ARHGEF10: variants seen among roughly 807,000 people sequenced by gnomAD.
ARHGEF10 encodes the protein Rho guanine nucleotide exchange factor (GEF) 10.
A neutral mutation model predicts 147.4 loss-of-function variants in ARHGEF10; 140 were observed. That is an observed-to-expected ratio of 0.95 (90% CI 0.83 to 1.09). The LOEUF is 1.09. ARHGEF10 is among the 50% of genes least tolerant of loss of function. The probability of loss-of-function intolerance (pLI) is 0.00; values close to 1 mark genes in which losing one functional copy is unlikely to be tolerated. For missense variants in ARHGEF10, 2,222 were observed against 1,752.7 expected, an observed-to-expected ratio of 1.27 and a Z score of -4.78; for synonymous variants, 902 against 695.8, an observed-to-expected ratio of 1.30 and a Z score of -4.67.
intron 15 of ARHGEF10, among the ~76,000 whole-genome samples, chr8:1,902,108 C>G (rs770047842): frequency 2.6e-5 from 4 of 152,088 alleles, no homozygotes; most frequent in Non-Finnish European, 4.4e-5. Flanking sequence ...GTTTTAAGCC[C>G]CGCGTGCATT....
intron 21 of ARHGEF10, among the ~76,000 whole-genome samples, chr8:1,924,086 G>A (rs1812501724): frequency 6.6e-6 from 1 of 152,196 alleles, no homozygotes; most frequent in Non-Finnish European, 1.5e-5. Flanking sequence ...AAATGGAGGG[G>A]TTAAAACGGA....
chr8:1,918,308 T>C (rs531153140), intron 18 of ARHGEF10, among the ~76,000 whole-genome samples: 16 of 152,134 alleles, frequency 1.1e-4, no homozygotes, highest in Non-Finnish European at 1.9e-4. Context: ...TGCCCTATTA[T>C]GAACTGTCTG....
rs757378753 is a variant in ARHGEF10 at position 1,869,355 on chromosome 8, C to T, written c.679+105C>T. 6 of 979,484 alleles carry T rather than the reference C, an allele frequency of 6.1e-6. 1 individual carries two copies. The highest frequency in any genetic ancestry group is 3.9e-5 in the South Asian group (3 of 76,124). 60.7% of individuals were successfully genotyped at this position (979,484 alleles called of 1,614,324 possible). A position where few individuals can be genotyped will look rare whatever the true frequency, so the allele number is the denominator to read the frequency against. ...GGACGGCCCAGACGTTTTCTGTATT[C>T]ATGTTTTGTATGTTGCTTCTAGAAT... On this transcript the variant is annotated intron_variant, in intron 7 of 28. Transcript: ENST00000349830.
At chr8:1,934,583 T>C (rs1286575543) in intron 26 of ARHGEF10, among the ~76,000 whole-genome samples, 3 of 152,142 alleles carry the variant, frequency 2.0e-5, no homozygotes, top group Non-Finnish European at 4.4e-5. Context: ...ACATTTCAAT[T>C]CAGTGGGCTA....
intron 18 of ARHGEF10, among the ~76,000 whole-genome samples, chr8:1,922,422 G>T (rs751752188): frequency 1.3e-5 from 2 of 151,958 alleles, no homozygotes; most frequent in Non-Finnish European, 1.5e-5. Context: ...AATACAAAAG[G>T]GACAAAACAT....
chr8:1,859,701 T>G (rs1350956385), intron 3 of ARHGEF10, among the ~76,000 whole-genome samples, 196 bp from the exon 4 acceptor site: 1 of 152,204 alleles, frequency 6.6e-6, no homozygotes, highest in Non-Finnish European at 1.5e-5. Context: ...CCGTCTCACC[T>G]GTGCCCAGAG....
chr8:1,868,483 A>G (rs1055287213), intron 6 of ARHGEF10, among the ~76,000 whole-genome samples: 5 of 152,212 alleles, frequency 3.3e-5, no homozygotes, highest in Admixed American at 2.0e-4. Flanking sequence ...TATTTGAGTA[A>G]ACCTCAGGCT....
intron 1 of ARHGEF10, among the ~76,000 whole-genome samples, chr8:1,836,098 G>A (rs528804308): frequency 2.6e-5 from 4 of 151,728 alleles, no homozygotes; most frequent in African/African-American, 4.8e-5. Context: ...GGAGAATGGC[G>A]TGAACCCGGG....
At chr8:1,888,775 A>G (rs1809054588) in intron 11 of ARHGEF10, among the ~76,000 whole-genome samples, 1 of 80,346 alleles carries the variant, frequency 1.2e-5, no homozygotes, top group East Asian at 9.4e-4. Context: ...GTGAGGAGAC[A>G]CTGAGTGGGG....
chr8:1,932,193 C>T (rs1168564199), intron 25 of ARHGEF10, among the ~76,000 whole-genome samples: 3 of 152,138 alleles, frequency 2.0e-5, no homozygotes, highest in South Asian at 2.1e-4. Flanking sequence ...TGGAGGTTGC[C>T]GTGTGCCGTG....
chr8:1,957,177 C>T lies in ARHGEF10; in HGVS notation c.3949C>T (p.Arg1317Trp), dbSNP rs779687039. 5.6e-6 allele frequency: 9 copies of T among 1,612,578 alleles called. No individual in the cohort carries two copies. Among genetic ancestry groups the T allele is most frequent in the South Asian group, 2.2e-5 (2 of 91,078 alleles). ...GGTCTGTGGAGGGCAGGGCCACCGC[C>T]GGGTGCACAGGAAGGCCCGGCAGCC... ...LVVCGGQGHR[R>W]VHRKARQPHQ... Residue 1317 changes from arginine to tryptophan, a missense_variant, in exon 29 of 29, where the codon CGG becomes TGG. Arg to Trp is a moderately radical substitution (Grantham distance 101). Coordinates refer to ENST00000349830, the MANE Select transcript of ARHGEF10 (RefSeq NM_014629.4).
intron 15 of ARHGEF10, among the ~76,000 whole-genome samples, chr8:1,902,697 G>C (rs1395192823): frequency 1.3e-5 from 2 of 152,144 alleles, no homozygotes; most frequent in African/African-American, 4.8e-5. Context: ...TCGCAGGAGG[G>C]CGTACCCTTG....
Position 1,905,128 on chromosome 8 carries a change from C to G in ARHGEF10, c.1822-443C>G, listed in dbSNP as rs75179461. Among the ~76,000 whole-genome samples, 411 of 152,120 alleles carry G rather than the reference C, an allele frequency of 2.7e-3. 3 individuals carry two copies. Among genetic ancestry groups the G allele is most frequent in the African/African-American group, 9.7e-3 (401 of 41,484 alleles). On this transcript the variant is annotated intron_variant, in intron 16 of 28. Coordinates refer to ENST00000349830, the MANE Select transcript of ARHGEF10 (RefSeq NM_014629.4). ...TGGGTAACAGAGCGAGGCTTGGTCT[C>G]AGAACAAACAAACAAAAAAGGTAGT...
At chr8:1,951,240 C>A (rs765804339) in intron 27 of ARHGEF10, among the ~76,000 whole-genome samples, 7 of 152,376 alleles carry the variant, frequency 4.6e-5, no homozygotes, top group Admixed American at 3.9e-4. Flanking sequence ...TGTTGTAGAG[C>A]GGTCAGCACT....
chr8:1,849,292 A>G (rs944129495), intron 2 of ARHGEF10, among the ~76,000 whole-genome samples: 2 of 151,538 alleles, frequency 1.3e-5, no homozygotes, highest in Admixed American at 1.3e-4. Flanking sequence ...CCGTGTGGAC[A>G]CAGCAAATGC....
Position 1,869,234 on chromosome 8 carries a change from C to T in ARHGEF10, c.663C>T (p.Asn221=). 3.7e-6 allele frequency: 6 copies of T among 1,614,028 alleles called. No individual in the cohort carries two copies. The highest frequency in any genetic ancestry group is 5.1e-6 in the Non-Finnish European group (6 of 1,179,864). The change falls in exon 7 of 29, where the codon AAC becomes AAT. Residue 221 remains asparagine (N), a synonymous_variant. Coordinates refer to ENST00000349830, the MANE Select transcript of ARHGEF10 (RefSeq NM_014629.4). ...TTTACGATGACGTTCCAAGGGAAAA[C>T]TCAGACTCTGAACCAGGTTTGATTT... ...EAIYDDVPRE[N]SDSEPDEMIY...
At position 1,942,995 on chromosome 8, in the gene ARHGEF10, C is replaced by G. The variant is rs543321455; in HGVS notation, c.3223-2486C>G. ...AGAGTGGTTAAAGTTGGCAACTTCC[C>G]GAATATACTAAAAAGCACAGAATTG... On this transcript the variant is annotated intron_variant, in intron 26 of 28. Transcript: ENST00000349830. Among the ~76,000 whole-genome samples the G allele has an allele frequency of 2.4e-4, 37 of 152,214 alleles. No individual in the cohort carries two copies. In the East Asian group the frequency reaches 6.4e-3, roughly 26 times the overall value.
chr8:1,833,694 G>A lies in ARHGEF10; in HGVS notation c.-48+9581G>A, dbSNP rs142026619. ...GTCCCCAGGCCGCTGCTGCCCTCAT[G>A]CCCGGCCCAGCTTGTTTCCTGAACC... On this transcript the variant is annotated intron_variant, in intron 1 of 28. Transcript: ENST00000349830. Among the ~76,000 whole-genome samples, 119 of 152,328 alleles carry A rather than the reference G, an allele frequency of 7.8e-4. 1 individual carries two copies. Among genetic ancestry groups the A allele is most frequent in the East Asian group, 6.0e-3 (31 of 5,180 alleles).
intron 26 of ARHGEF10, among the ~76,000 whole-genome samples, chr8:1,939,022 C>T (rs1447307578): frequency 1.3e-5 from 2 of 151,792 alleles, no homozygotes; most frequent in Admixed American, 6.6e-5. Context: ...CCCCAGAAAC[C>T]CTGAACACTC....
Sources: allele counts gnomAD v4.1 joint callset (sites outside exome capture counted in the v4.1 genomes callset), GRCh38; gene constraint gnomAD v4.1.1; transcripts MANE v1.5; gene names NCBI Gene and HGNC (gene_info 2026-07-23, HGNC 2026-07-21).